Variants in VILL observed in about 807,000 individuals in gnomAD.
VILL encodes the protein villin like.
In VILL, 102 loss-of-function variants were observed where a neutral mutation model predicts 106.3. The observed-to-expected ratio is 0.96, with a 90% CI of 0.82 to 1.13. The LOEUF is 1.13. VILL is among the 50% of genes most tolerant of loss of function. The pLI is 0.00. For missense variants in VILL, 1,076 were observed against 1,116.6 expected (o/e 0.96, Z 0.52); for synonymous variants, 431 against 440.3 (o/e 0.98, Z 0.27).
intron 16 of VILL, among the ~76,000 whole-genome samples, chr3:38,004,713 G>A (rs774827609): frequency 6.6e-6 from 1 of 152,220 alleles, no homozygotes; most frequent in African/African-American, 2.4e-5. Context: ...GCCTGCGGCC[G>A]AGCATGTGTC....
intron 1 of VILL, chr3:37,993,268 T>A (rs1185012101): frequency 1.1e-5 from 2 of 188,152 alleles, no homozygotes; most frequent in African/African-American, 4.7e-5. Context: ...TGTGGCTGTT[T>A]GCAGAGCCTG....
Position 37,994,323 on chromosome 3 carries a change from G to A in VILL, c.198G>A (p.Lys66=). The change falls in exon 4 of 20, where the codon AAG becomes AAA. Residue 66 remains lysine (K), a synonymous_variant. Transcript: ENST00000383759. ...GCGACCTGCACTACTGGGTCGGGAAGCAGGCGGGTGCGGAAGCGCAGGGCG... is the reference window on the plus strand; with the variant it reads ...GCGACCTGCACTACTGGGTCGGGAAACAGGCGGGTGCGGAAGCGCAGGGCG... ...ASSDLHYWVG[K]QAGAEAQGAA... is the part of the protein sequence containing the mutation. 6.2e-7 allele frequency: 1 copy of A among 1,611,590 alleles called. No individual in the cohort carries two copies. Among genetic ancestry groups the A allele is most frequent in the South Asian group, 1.1e-5 (1 of 91,056 alleles).
chr3:37,999,633 G>A (rs1699778480), intron 11 of VILL, among the ~76,000 whole-genome samples, 194 bp downstream of exon 11: 1 of 152,140 alleles, frequency 6.6e-6, no homozygotes, highest in South Asian at 2.1e-4. Context: ...ATCATACACA[G>A]CCACGGGCAC....
At chr3:38,003,130 T>C in intron 14 of VILL, 38 bp from the exon 15 acceptor site, 1 of 1,607,414 alleles carries the variant, frequency 6.2e-7, no homozygotes, top group East Asian at 2.2e-5. Context: ...TGAAGGCCCC[T>C]CCTCATGCAG....
At chr3:37,989,436 C>T (rs952221718), upstream of VILL, among the ~76,000 whole-genome samples, 2 of 152,182 alleles carry the variant, frequency 1.3e-5, no homozygotes, top group African/African-American at 4.8e-5. Context: ...AAGGCCCAAG[C>T]TCTGCTCCTG....
chr3:37,995,852 G>C lies in VILL; in HGVS notation c.450+5G>C, dbSNP rs1699691537. ...AAGCACGTGTCTGCCACTGAGGTGA[G>C]GCTGCCAGGGGAGCCTCTTGACCTC... is the stretch of plus-strand genomic sequence containing the variant. On this transcript the variant is annotated splice_donor_5th_base_variant and intron_variant, in intron 5 of 19. Transcript: ENST00000383759. 3 of 1,612,280 alleles carry C rather than the reference G, an allele frequency of 1.9e-6. No individual in the cohort carries two copies. In the African/African-American group the frequency reaches 4.0e-5, roughly 22 times the overall value.
At chr3:37,990,556 C>T (rs753905962), upstream of VILL, among the ~76,000 whole-genome samples, 15 of 152,232 alleles carry the variant, frequency 9.9e-5, no homozygotes, top group Admixed American at 2.0e-4. The surrounding 1 kb of genome is among the most constrained non-coding windows in gnomAD (Gnocchi z 5.1). Flanking sequence ...CCTGCTCTCT[C>T]TGGCCACTGG....
intron 11 of VILL, 148 bp from the exon 12 acceptor site, chr3:38,001,308 G>C (rs1330122429): frequency 8.3e-7 from 1 of 1,203,864 alleles, no homozygotes; most frequent in South Asian, 1.5e-5. Context: ...ACAAGGCCCA[G>C]AATGGGCCTG....
At chr3:38,005,522 A>G (rs768945029) in intron 16 of VILL, among the ~76,000 whole-genome samples, 7 of 152,156 alleles carry the variant, frequency 4.6e-5, no homozygotes, top group Admixed American at 2.0e-4. Context: ...TAGGTGCTCA[A>G]TAAGTATTTG....
At chr3:37,993,441 T>C in intron 1 of VILL, 146 bp from the exon 2 acceptor site, 1 of 529,580 alleles carries the variant, frequency 1.9e-6, no homozygotes, top group Non-Finnish European at 3.3e-6. Context: ...AAAAAAAAAT[T>C]GTCAAGTGTT....
In VILL at chr3:37,997,714, G is replaced by A. The variant is rs1476716272; in HGVS notation, c.764+29G>A. 2 of 1,536,280 alleles carry A rather than the reference G, an allele frequency of 1.3e-6. No homozygotes were observed. The highest frequency in any genetic ancestry group is 1.8e-6 in the Non-Finnish European group (2 of 1,120,112). ...AGTACCCCTGGGGTGGGCAGGGGTG[G>A]GTGGGACAGTCCAGGACTCTGTGTC... On this transcript the variant is annotated intron_variant, in intron 7 of 19. Transcript: ENST00000383759. This position sits in a 1 kb window ranked among gnomAD's most constrained non-coding sequence, Gnocchi z 4.7.
At position 37,993,951 on chromosome 3, in the gene VILL, A is replaced by G; in HGVS notation, c.114A>G (p.Glu38=). ...GGGCTTACGGGAACTTTTTTGAGGA[A>G]CACTGCTATGTCATCCTCCACGTGA... ...PEGAYGNFFE[E]HCYVILHVPQ... Residue 38 remains glutamate, a synonymous_variant, in exon 3 of 20, where the codon GAA becomes GAG. Coordinates refer to ENST00000383759, the MANE Select transcript of VILL (RefSeq NM_015873.4). The G allele has an allele frequency of 6.2e-7, 1 of 1,614,180 alleles. No individual in the cohort carries two copies.
intron 3 of VILL, 95 bp from the exon 4 acceptor site, chr3:37,994,166 C>A: frequency 1.3e-6 from 2 of 1,484,538 alleles, no homozygotes; most frequent in Non-Finnish European, 1.8e-6. Context: ...AAGCCCCTGC[C>A]TAGCGTCTCC....
rs1699722580 is a variant in VILL at position 37,997,417 on chromosome 3, CAGG to C, written c.562-63_562-61del. On this transcript the variant is annotated intron_variant, in intron 6 of 19. Coordinates refer to ENST00000383759, the MANE Select transcript of VILL (RefSeq NM_015873.4). The surrounding 1 kb of genome is among the most constrained non-coding windows in gnomAD (Gnocchi z 4.7). ...TCAGCCTCTGGGAGCTGAGCAGTGA[CAGG>C]AGAAGTCTCTGCTGTGAGAGGGCAC... is the stretch of plus-strand genomic sequence containing the variant. 5 of 1,548,066 alleles carry C rather than the reference CAGG, an allele frequency of 3.2e-6. No homozygotes were observed. The highest frequency in any genetic ancestry group is 1.4e-5 in the African/African-American group (1 of 73,624).
chr3:37,997,327 T>G lies in VILL; in HGVS notation c.561+140T>G. The G allele has an allele frequency of 8.6e-7, 1 of 1,163,830 alleles. No individual in the cohort carries two copies. The highest frequency in any genetic ancestry group is 1.2e-6 in the Non-Finnish European group (1 of 810,700). 72.1% of individuals were successfully genotyped at this position (1,163,830 alleles called of 1,614,324 possible). A position where few individuals can be genotyped will look rare whatever the true frequency, so the allele number is the denominator to read the frequency against. ...AACGCCTATGAGTTACAAGCTGAGTTCAGACCCTGCATTGTTGGTGTCCCC... is the reference window on the plus strand; with the variant it reads ...AACGCCTATGAGTTACAAGCTGAGTGCAGACCCTGCATTGTTGGTGTCCCC... On this transcript the variant is annotated intron_variant, in intron 6 of 19. Coordinates refer to ENST00000383759, the MANE Select transcript of VILL (RefSeq NM_015873.4). This position sits in a 1 kb window ranked among gnomAD's most constrained non-coding sequence, Gnocchi z 4.7.
At chr3:38,002,032 T>C in intron 13 of VILL, 172 bp downstream of exon 13, 1 of 1,066,602 alleles carries the variant, frequency 9.4e-7, no homozygotes, top group Non-Finnish European at 1.3e-6. Context: ...CCTGCCTGAG[T>C]TTCCCTCCCC....
intron 19 of VILL, 120 bp from the exon 20 acceptor site, chr3:38,006,822 G>A: frequency 6.6e-7 from 1 of 1,524,708 alleles, no homozygotes; most frequent in Non-Finnish European, 8.9e-7. Context: ...TTCTAGCTGG[G>A]GTGGTGGGCA....
chr3:38,007,091 C>A lies in VILL; in HGVS notation c.*36C>A. ...TCTCGACTGCCCCTATCCCCTGGAC[C>A]CCAACATACCTACAATGCTGGGGAG... On this transcript the variant is annotated 3_prime_UTR_variant, in exon 20 of 20. Coordinates refer to ENST00000383759, the MANE Select transcript of VILL (RefSeq NM_015873.4). The A allele has an allele frequency of 6.5e-7, 1 of 1,544,510 alleles. No individual in the cohort carries two copies. Among genetic ancestry groups the A allele is most frequent in the Non-Finnish European group, 8.9e-7 (1 of 1,118,436 alleles).
chr3:38,006,988 A>G lies in VILL; in HGVS notation c.2504A>G (p.Lys835Arg). 1 of 1,614,106 alleles carries G rather than the reference A, an allele frequency of 6.2e-7. No homozygotes were observed. Among genetic ancestry groups the G allele is most frequent in the South Asian group, 1.1e-5 (1 of 91,078 alleles). The change falls in exon 20 of 20, where the codon AAG (lysine) becomes AGG (arginine). Residue 835 changes from lysine (K) to arginine (R), a missense_variant. Coordinates refer to ENST00000383759, the MANE Select transcript of VILL (RefSeq NM_015873.4). The part of the protein sequence containing the change: ...SDFQDIFGKS[K>R]EEFYSMATWR... ...TTCCAAGATATCTTTGGGAAATCCAAGGAGGAATTCTACAGCATGGCCACG... is the reference window on the plus strand; with the variant it reads ...TTCCAAGATATCTTTGGGAAATCCAGGGAGGAATTCTACAGCATGGCCACG...
Sources: allele counts gnomAD v4.1 joint callset (sites outside exome capture counted in the v4.1 genomes callset), GRCh38; gene constraint gnomAD v4.1.1; non-coding constraint Gnocchi (gnomAD v3.1); transcripts MANE v1.5; gene names NCBI Gene and HGNC (gene_info 2026-07-23, HGNC 2026-07-21).